MAGI2: variants seen among roughly 807,000 people sequenced by gnomAD.
The protein encoded by MAGI2 is membrane associated guanylate kinase, WW and PDZ domain containing 2, also known as membrane-associated guanylate kinase, WW and PDZ domain-containing protein 2.
In MAGI2, 35 loss-of-function variants were observed where a neutral mutation model predicts 133.3. That is an observed-to-expected ratio of 0.26 (90% CI 0.20 to 0.35). MAGI2 has a LOEUF of 0.35. MAGI2 is among the 10% of genes least tolerant of loss of function. The pLI is 1.00. For synonymous variants in MAGI2, 729 were observed against 710.6 expected, an observed-to-expected ratio of 1.03 and a Z score of -0.41; for missense variants, 1,636 against 1,863.4, an observed-to-expected ratio of 0.88 and a Z score of 2.25.
intron 2 of MAGI2, among the ~76,000 whole-genome samples, chr7:78,989,630 CT>C (rs1805568755): frequency 6.6e-6 from 1 of 152,056 alleles, no homozygotes. Flanking sequence ...GCTCCTCCCC[CT>C]GTATCCGAGA....
chr7:79,448,407 C>T lies in MAGI2; in HGVS notation c.301+4613G>A, dbSNP rs549482129. Reference sequence around the variant, plus strand: ...AAAATATCTTGAAAATTAAAAACACCTCATAATGTCACTAGCTCAAAATGA... The same window carrying T: ...AAAATATCTTGAAAATTAAAAACACTTCATAATGTCACTAGCTCAAAATGA... On this transcript the variant is annotated intron_variant, in intron 1 of 21. Coordinates refer to ENST00000354212, the MANE Select transcript of MAGI2 (RefSeq NM_012301.4). Among the ~76,000 whole-genome samples, 3 of 152,050 alleles carry T rather than the reference C, an allele frequency of 2.0e-5. No individual in the cohort carries two copies. In the South Asian group the frequency reaches 6.2e-4, roughly 32 times the overall value.
rs73368760 is a variant in MAGI2 at position 78,307,352 on chromosome 7, T to C, written c.1408+36426A>G. 6.4e-3 allele frequency among the ~76,000 whole-genome samples: 969 copies of C among 152,310 alleles called. 9 individuals carry two copies. The highest frequency in any genetic ancestry group is 0.022 in the African/African-American group (919 of 41,574). On this transcript the variant is annotated intron_variant, in intron 9 of 21. Transcript: ENST00000354212. The stretch of plus-strand genomic sequence containing the variant: ...TGAATTTAAATAGGTGCAGATACTT[T>C]GTGGTACAAAAGTACAAATATTTTT...
chr7:78,667,797 A>C (rs1288430197), intron 2 of MAGI2, among the ~76,000 whole-genome samples: 2 of 151,954 alleles, frequency 1.3e-5, no homozygotes, highest in Non-Finnish European at 2.9e-5. Flanking sequence ...TCATTATTGG[A>C]CATTTGGGTT....
At chr7:79,038,885 C>T (rs1363035878) in intron 1 of MAGI2, among the ~76,000 whole-genome samples, 2 of 152,162 alleles carry the variant, frequency 1.3e-5, no homozygotes, top group Admixed American at 6.5e-5. Context: ...CATAGAAAAA[C>T]ATAATTTTAT....
Position 78,281,757 on chromosome 7 carries a change from A to G in MAGI2, c.1409-25176T>C, listed in dbSNP as rs533058281. On this transcript the variant is annotated intron_variant, in intron 9 of 21. Coordinates refer to ENST00000354212, the MANE Select transcript of MAGI2 (RefSeq NM_012301.4). ...ATTATCCTGAGGTATTTTCCAGGTG[A>G]TATTTAACCAACTTATCTCCATCAA... Among the ~76,000 whole-genome samples, 9 of 150,410 alleles carry G rather than the reference A, an allele frequency of 6.0e-5. No individual in the cohort carries two copies. The East Asian group carries it at 1.8e-3, about 30-fold the overall frequency.
intron 1 of MAGI2, among the ~76,000 whole-genome samples, chr7:79,080,275 T>C (rs936910489): frequency 9.9e-5 from 15 of 152,160 alleles, no homozygotes; most frequent in Non-Finnish European, 1.9e-4. Flanking sequence ...GTACAATCAA[T>C]GACACAATGT....
In MAGI2 at chr7:78,625,780, G is replaced by A. The variant is rs143052675; in HGVS notation, c.538+1340C>T. On this transcript the variant is annotated intron_variant, in intron 3 of 21. Transcript: ENST00000354212. Reference sequence around the variant, plus strand: ...AACTTAACCTTTTCTATGATTAGGTGTGTTTAGATAAACAAATCCTTACCA... The same window carrying A: ...AACTTAACCTTTTCTATGATTAGGTATGTTTAGATAAACAAATCCTTACCA... Among the ~76,000 whole-genome samples the A allele has an allele frequency of 6.8e-3, 1,030 of 152,230 alleles. 14 individuals are homozygous for A. Among genetic ancestry groups the A allele is most frequent in the African/African-American group, 0.018 (759 of 41,546 alleles).
intron 1 of MAGI2, among the ~76,000 whole-genome samples, chr7:79,167,103 C>T (rs960275980): frequency 6.6e-6 from 1 of 151,910 alleles, no homozygotes; most frequent in South Asian, 2.1e-4. Context: ...ATTTTTGTTC[C>T]AATTTAATAC....
At chr7:78,641,469 A>G (rs2150989079) in intron 2 of MAGI2, among the ~76,000 whole-genome samples, 1 of 152,326 alleles carries the variant, frequency 6.6e-6, no homozygotes, top group South Asian at 2.1e-4. Flanking sequence ...ACGAAGCTAT[A>G]TTTACAAGGT....
chr7:78,991,814 T>C (rs1805814397), intron 2 of MAGI2, among the ~76,000 whole-genome samples: 2 of 152,054 alleles, frequency 1.3e-5, no homozygotes, highest in Non-Finnish European at 1.5e-5. Flanking sequence ...AAACCTTTTA[T>C]AGGGTTAAAA....
intron 2 of MAGI2, chr7:78,902,590 A>G (rs1398142922): frequency 6.6e-6 from 1 of 152,222 alleles, no homozygotes. Flanking sequence ...CCGGAGTTCT[A>G]CAATTCATAT....
intron 9 of MAGI2, among the ~76,000 whole-genome samples, chr7:78,332,834 T>C (rs17150542): frequency 0.24 from 36,246 of 151,916 alleles, 4,745 homozygotes; most frequent in East Asian, 0.52. Flanking sequence ...TTGAACAAAA[T>C]GAAGTGGAGT....
chr7:78,995,352 T>C (rs527726656), intron 2 of MAGI2, among the ~76,000 whole-genome samples: 11 of 152,168 alleles, frequency 7.2e-5, no homozygotes, highest in Non-Finnish European at 1.6e-4. Flanking sequence ...GGTAATAGCT[T>C]TAATTACTGA....
chr7:79,123,658 T>C (rs190151996), intron 1 of MAGI2, among the ~76,000 whole-genome samples: 154 of 151,664 alleles, frequency 1.0e-3, no homozygotes, highest in African/African-American at 3.6e-3. Flanking sequence ...TGGTGGGGTG[T>C]GCCTGTAATC....
chr7:78,535,874 C>A lies in MAGI2; in HGVS notation c.539-14229G>T, dbSNP rs1397282066. ...CTGGCTCATCTAGTCTTGTGTACACCCCCCCCGCCCACCGCCTCCCCCCAA... is the reference window on the plus strand; with the variant it reads ...CTGGCTCATCTAGTCTTGTGTACACACCCCCCGCCCACCGCCTCCCCCCAA... On this transcript the variant is annotated intron_variant, in intron 3 of 21. Transcript: ENST00000354212. 4.0e-5 allele frequency among the ~76,000 whole-genome samples: 4 copies of A among 99,412 alleles called. No homozygotes were observed. The East Asian group carries it at 8.6e-4, about 21-fold the overall frequency. 65.2% of individuals were successfully genotyped at this position (99,412 alleles called of 152,430 possible). A position where few individuals can be genotyped will look rare whatever the true frequency, so the allele number is the denominator to read the frequency against.
chr7:79,281,291 G>T (rs980942097), intron 1 of MAGI2, among the ~76,000 whole-genome samples: 1 of 152,134 alleles, frequency 6.6e-6, no homozygotes, highest in African/African-American at 2.4e-5. Context: ...TAGATCTAGG[G>T]TTGAAGCTAG....
At chr7:78,647,272 A>T (rs1303736661) in intron 2 of MAGI2, among the ~76,000 whole-genome samples, 1 of 152,198 alleles carries the variant, frequency 6.6e-6, no homozygotes, top group Non-Finnish European at 1.5e-5. Context: ...TAATATCCAG[A>T]ATCTACAAAG....
At chr7:78,687,094 AC>A (rs1479156943) in intron 2 of MAGI2, among the ~76,000 whole-genome samples, 2 of 152,130 alleles carry the variant, frequency 1.3e-5, no homozygotes, top group Non-Finnish European at 1.5e-5. Flanking sequence ...ACTGACCCAC[AC>A]CTTTGTAGGT....
chr7:79,048,030 C>T (rs959076041), intron 1 of MAGI2, among the ~76,000 whole-genome samples: 2 of 152,168 alleles, frequency 1.3e-5, no homozygotes, highest in Non-Finnish European at 2.9e-5. Flanking sequence ...AGGTGAAACA[C>T]TGTCAAAGCA....
Sources: gnomAD v4.1 joint callset for allele counts (sites outside exome capture counted in the v4.1 genomes callset) on GRCh38, gnomAD v4.1.1 for gene constraint, MANE v1.5 for transcripts, NCBI Gene and HGNC (gene_info 2026-07-23, HGNC 2026-07-21) for gene names.